The following CD44 variants were observed in gnomAD, a reference collection of about 807,000 sequenced individuals.
CD44 encodes CD44 antigen.
A neutral mutation model predicts 88.8 loss-of-function variants in CD44; 49 were observed. The observed-to-expected ratio is 0.55, with a 90% confidence interval of 0.44 to 0.70. The LOEUF (loss-of-function observed/expected upper bound fraction) is 0.70. Ranked by LOEUF, CD44 falls within the 30% of genes least tolerant of loss-of-function variation. The pLI is 0.00. For synonymous variants in CD44, 325 were observed against 312.3 expected, an observed-to-expected ratio of 1.04 and a Z score of -0.43; for missense variants, 883 against 913.8, an observed-to-expected ratio of 0.97 and a Z score of 0.43.
At chr11:35,139,581 A>C in intron 1 of CD44, 1 of 763,280 alleles carries the variant, frequency 1.3e-6, no homozygotes, top group South Asian at 1.4e-5. Flanking sequence ...AAAGAAAAAG[A>C]GAAAGAGAAG....
chr11:35,205,762 G>C, intron 10 of CD44: 1 of 993,364 alleles, frequency 1.0e-6, no homozygotes, highest in Non-Finnish European at 1.2e-6. Context: ...CATGCACTCG[G>C]GCTTTTATAC....
rs762769835 is a variant in CD44 at position 35,231,830 on chromosome 11, G to C, written c.*2497G>C. ...TTAATTATTTTGCAAAGCAACCTAA[G>C]AGCTAAAGATGTAATTTTTCTTGCA... On this transcript the variant is annotated 3_prime_UTR_variant, in exon 18 of 18. Coordinates refer to ENST00000428726, the MANE Select transcript of CD44 (RefSeq NM_000610.4). The C allele has an allele frequency of 6.6e-6, 1 of 152,202 alleles. No homozygotes were observed. Among genetic ancestry groups the C allele is most frequent in the Non-Finnish European group, 1.5e-5 (1 of 68,024 alleles). The allele number at this position is 152,202 out of a possible 1,614,324, so 9.4% of individuals were successfully genotyped here.
At chr11:35,211,865 G>T (rs1948427431) in intron 14 of CD44, among the ~76,000 whole-genome samples, 1 of 152,076 alleles carries the variant, frequency 6.6e-6, no homozygotes, top group Admixed American at 6.6e-5. Context: ...ATTTTGTAAG[G>T]TTTTATCCTA....
chr11:35,139,534 C>A, intron 1 of CD44, 164 bp downstream of exon 1: 1 of 776,984 alleles, frequency 1.3e-6, no homozygotes, highest in Non-Finnish European at 2.3e-6. Flanking sequence ...TGCGCTAAAC[C>A]GTTGGAGAAT....
intron 12 of CD44, among the ~76,000 whole-genome samples, chr11:35,209,247 A>C (rs1463444351): frequency 6.6e-6 from 1 of 152,192 alleles, no homozygotes; most frequent in African/African-American, 2.4e-5. Flanking sequence ...AAACAGTCCA[A>C]GTGATTTTAG....
chr11:35,172,125 C>T (rs970224247), intron 1 of CD44, among the ~76,000 whole-genome samples: 7 of 152,142 alleles, frequency 4.6e-5, no homozygotes, highest in Non-Finnish European at 8.8e-5. Context: ...TCTCAGACAA[C>T]GGCTGCCATG....
intron 5 of CD44, among the ~76,000 whole-genome samples, chr11:35,193,587 T>A (rs1345548262): frequency 6.6e-6 from 1 of 152,244 alleles, no homozygotes; most frequent in Non-Finnish European, 1.5e-5. Flanking sequence ...ATATATAATT[T>A]AAAGTGGCTT....
Position 35,139,249 on chromosome 11 carries a change from C to T in CD44, c.-55C>T, listed in dbSNP as rs966829770. On this transcript the variant is annotated 5_prime_UTR_variant, in exon 1 of 18. Coordinates refer to ENST00000428726, the MANE Select transcript of CD44 (RefSeq NM_000610.4). ...CCGTCCTCCGCCGGCCCCTGCCCCG[C>T]GCCCAGGGATCCTCCAGCTCCTTTC... is the stretch of plus-strand genomic sequence containing the variant. 2.8e-6 allele frequency: 4 copies of T among 1,427,848 alleles called. No individual in the cohort carries two copies. Among genetic ancestry groups the T allele is most frequent in the African/African-American group, 1.4e-5 (1 of 70,632 alleles). The allele number at this position is 1,427,848 out of a possible 1,614,324, so 88.4% of individuals were successfully genotyped here. A position where few individuals can be genotyped will look rare whatever the true frequency, so the allele number is the denominator to read the frequency against.
chr11:35,150,489 G>A (rs1433080131), intron 1 of CD44, among the ~76,000 whole-genome samples: 1 of 152,188 alleles, frequency 6.6e-6, no homozygotes, highest in Non-Finnish European at 1.5e-5. Context: ...CATAAAGATT[G>A]CACGACTTAG....
In CD44 at chr11:35,206,666, T is replaced by TGGAGG. The variant is rs144689531; in HGVS notation, c.1414+425_1414+426insAGGGG. ...GAGAAAGGAAGTGGGTGGTGGGGGT[T>TGGAGG]GGTGGGGGGGGCAGTTTTCCTAAGA... On this transcript the variant is annotated intron_variant, in intron 11 of 17. Coordinates refer to ENST00000428726, the MANE Select transcript of CD44 (RefSeq NM_000610.4). Among the ~76,000 whole-genome samples, 10 of 115,912 alleles carry TGGAGG rather than the reference T, an allele frequency of 8.6e-5. No homozygotes were observed. The East Asian group carries it at 1.1e-3, about 13-fold the overall frequency. The allele number at this position is 115,912 out of a possible 152,430, so 76.0% of individuals were successfully genotyped here. A position where few individuals can be genotyped will look rare whatever the true frequency, so the allele number is the denominator to read the frequency against.
At chr11:35,183,978 C>A (rs1369741768) in intron 3 of CD44, among the ~76,000 whole-genome samples, 3 of 152,120 alleles carry the variant, frequency 2.0e-5, no homozygotes, top group Non-Finnish European at 4.4e-5. Flanking sequence ...AGTGGTTAGA[C>A]TGAATAATTA....
intron 13 of CD44, 48 bp downstream of exon 13, chr11:35,210,102 T>TAG: frequency 4.7e-6 from 5 of 1,070,260 alleles, no homozygotes; most frequent in Non-Finnish European, 4.1e-6. Context: ...TAAGAATCAA[T>TAG]CAATTATGGG....
chr11:35,171,219 C>T (rs1397140405), intron 1 of CD44, among the ~76,000 whole-genome samples: 3 of 152,192 alleles, frequency 2.0e-5, no homozygotes, highest in African/African-American at 7.2e-5. Flanking sequence ...GTTTGAATGA[C>T]ACACAGCCTT....
intron 12 of CD44, among the ~76,000 whole-genome samples, chr11:35,209,566 C>G (rs1172234807): frequency 1.3e-5 from 2 of 152,128 alleles, no homozygotes; most frequent in African/African-American, 4.8e-5. Flanking sequence ...CATTTCTTGA[C>G]ACACAGTTAG....
intron 15 of CD44, 160 bp from the exon 16 acceptor site, chr11:35,219,156 G>T: frequency 4.9e-6 from 3 of 616,992 alleles, no homozygotes; most frequent in Non-Finnish European, 8.7e-6. Flanking sequence ...AGGTGGGGGG[G>T]AAATCTTTTG....
chr11:35,208,023 A>C (rs1948044031), intron 11 of CD44, 82 bp from the exon 12 acceptor site: 6 of 805,428 alleles, frequency 7.4e-6, no homozygotes, highest in Non-Finnish European at 1.1e-5. Context: ...TGAATATTTA[A>C]AAAAATCAGC....
intron 7 of CD44, among the ~76,000 whole-genome samples, chr11:35,198,744 C>T (rs979920086): frequency 1.4e-4 from 22 of 151,948 alleles, no homozygotes; most frequent in African/African-American, 4.8e-4. Flanking sequence ...CCTGGGAGGC[C>T]GAGGCGGGCA....
chr11:35,208,275 C>T (rs1013435775), intron 12 of CD44, 69 bp downstream of exon 12: 1 of 1,049,594 alleles, frequency 9.5e-7, no homozygotes, highest in Non-Finnish European at 1.5e-6. Context: ...CGCTATTGGC[C>T]AAGATGCAGA....
chr11:35,182,203 A>G (rs1401845856), intron 3 of CD44, among the ~76,000 whole-genome samples: 7 of 150,560 alleles, frequency 4.6e-5, no homozygotes, highest in African/African-American at 1.7e-4. Flanking sequence ...ACTCACTACT[A>G]AAAAAAACCC....
Sources: allele counts gnomAD v4.1 joint callset (sites outside exome capture counted in the v4.1 genomes callset), GRCh38; gene constraint gnomAD v4.1.1; transcripts MANE v1.5; gene names NCBI Gene and HGNC (gene_info 2026-07-23, HGNC 2026-07-21).